The following CXADR variants were observed in gnomAD, a reference collection of about 807,000 sequenced individuals.
CXADR encodes coxsackievirus and adenovirus receptor.
In CXADR, 20 loss-of-function variants were observed where a neutral mutation model predicts 40.3. The ratio of observed to expected loss-of-function variants is 0.50; its 90% confidence interval spans 0.35 to 0.72. The LOEUF (loss-of-function observed/expected upper bound fraction) is 0.72. Ranked by LOEUF, CXADR falls within the 30% of genes least tolerant of loss-of-function variation. CXADR has a pLI of 0.01. For synonymous variants in CXADR, 150 were observed against 161.3 expected, an observed-to-expected ratio of 0.93 and a Z score of 0.53; for missense variants, 332 against 449.1, an observed-to-expected ratio of 0.74 and a Z score of 2.36.
downstream of CXADR, among the ~76,000 whole-genome samples, chr21:17,596,204 T>G (rs1481433115): frequency 6.6e-6 from 1 of 152,032 alleles, no homozygotes; most frequent in Non-Finnish European, 1.5e-5. Context: ...TTTACAGATA[T>G]ATGTAATGAG....
At chr21:17,582,344 C>G (rs945932178) in intron 7 of CXADR, among the ~76,000 whole-genome samples, 1 of 152,094 alleles carries the variant, frequency 6.6e-6, no homozygotes. Flanking sequence ...AATATTAGTT[C>G]TTTGTGATTT....
At chr21:17,604,271 T>C in the CXADR span, 1 of 304,828 alleles carries the variant, frequency 3.3e-6, no homozygotes, top group Non-Finnish European at 6.3e-6. Context: ...TGAAACCCCA[T>C]CTCTACTACA....
chr21:17,593,171 C>G (rs1165256983), exon 8 of CXADR: 3 of 1,455,048 alleles, frequency 2.1e-6, no homozygotes, highest in Non-Finnish European at 2.7e-6. Flanking sequence ...CCTTACAAGA[C>G]TGATGGAATT....
chr21:17,580,491 G>A lies in CXADR; in HGVS notation c.1018-12661G>A, dbSNP rs183217899. Among the ~76,000 whole-genome samples, 287 of 152,152 alleles carry A rather than the reference G, an allele frequency of 1.9e-3. 2 individuals are homozygous for A. The highest frequency in any genetic ancestry group is 6.8e-3 in the African/African-American group (281 of 41,526). On this transcript the variant is annotated intron_variant, in intron 7 of 7. Transcript: ENST00000400169. ...AAGTTAGCTGGGCATGGTGGCAGGCGCCAGATACTTGGGAGGCTGAAGTAG... is the reference window on the plus strand; with the variant it reads ...AAGTTAGCTGGGCATGGTGGCAGGCACCAGATACTTGGGAGGCTGAAGTAG...
chr21:17,591,757 A>C (rs1468001265), intron 7 of CXADR, among the ~76,000 whole-genome samples: 1 of 151,950 alleles, frequency 6.6e-6, no homozygotes, highest in Non-Finnish European at 1.5e-5. Flanking sequence ...TTCAAGCTGA[A>C]ATTATGTAGT....
intron 3 of CXADR, among the ~76,000 whole-genome samples, chr21:17,554,670 A>AT (rs1057375645): frequency 3.3e-5 from 5 of 152,150 alleles, no homozygotes; most frequent in African/African-American, 1.2e-4. Context: ...AACCACCAGA[A>AT]TTATATTCTC....
intron 7 of CXADR, among the ~76,000 whole-genome samples, chr21:17,580,955 T>G (rs988443902): frequency 1.4e-4 from 21 of 152,178 alleles, no homozygotes; most frequent in Admixed American, 1.2e-3. Flanking sequence ...CTCACTATGT[T>G]GTCCAGGCTG....
At chr21:17,609,161 A>G in the CXADR span, 1 of 1,600,120 alleles carries the variant, frequency 6.2e-7, no homozygotes, top group Admixed American at 1.8e-5. Flanking sequence ...CCCTGCAAAG[A>G]TAAAACATGT....
chr21:17,571,384 G>A (rs1238302758), downstream of CXADR, among the ~76,000 whole-genome samples: 1 of 152,170 alleles, frequency 6.6e-6, no homozygotes, highest in Non-Finnish European at 1.5e-5. Flanking sequence ...TCAAGGAATC[G>A]AGATTACAGT....
the CXADR span, among the ~76,000 whole-genome samples, chr21:17,634,943 T>C: frequency 6.6e-6 from 1 of 152,180 alleles, no homozygotes; most frequent in Non-Finnish European, 1.5e-5. Context: ...TACTGATCCT[T>C]GATGGTAAAG....
At chr21:17,533,317 T>G (rs1367469927) in intron 1 of CXADR, among the ~76,000 whole-genome samples, 1 of 152,204 alleles carries the variant, frequency 6.6e-6, no homozygotes, top group East Asian at 1.9e-4. Flanking sequence ...CCTAAAATGC[T>G]ACTAGAAATG....
At chr21:17,515,163 C>G (rs2060444245) in intron 1 of CXADR, among the ~76,000 whole-genome samples, 1 of 151,938 alleles carries the variant, frequency 6.6e-6, no homozygotes, top group African/African-American at 2.4e-5. Context: ...TGAGGCCAGG[C>G]ACGGTGCTTG....
the CXADR span, among the ~76,000 whole-genome samples, chr21:17,607,950 C>A: frequency 0.52 from 79,767 of 152,106 alleles, 23,425 homozygotes; most frequent in African/African-American, 0.8. Flanking sequence ...GTACCTTATA[C>A]AGCAGAGTAC....
chr21:17,565,302 CACACACACACACT>C, intron 6 of CXADR, 113 bp from the exon 7 acceptor site: 1 of 600,008 alleles, frequency 1.7e-6, no homozygotes, highest in Non-Finnish European at 2.7e-6. Flanking sequence ...CACACACACA[CACACACACACACT>C]TTTATATGTT....
At chr21:17,595,899 A>C (rs1173760971), downstream of CXADR, among the ~76,000 whole-genome samples, 2 of 152,020 alleles carry the variant, frequency 1.3e-5, no homozygotes, top group Non-Finnish European at 2.9e-5. Flanking sequence ...CATGACTAGC[A>C]AGTTTATGAA....
At chr21:17,572,727 T>C (rs1441257441), downstream of CXADR, among the ~76,000 whole-genome samples, 2 of 148,740 alleles carry the variant, frequency 1.3e-5, no homozygotes, top group Non-Finnish European at 3.0e-5. Flanking sequence ...TCCCCTGGGC[T>C]TCACAAAATT....
the CXADR span, among the ~76,000 whole-genome samples, chr21:17,630,041 G>A: frequency 1.1e-4 from 16 of 152,176 alleles, no homozygotes; most frequent in Non-Finnish European, 1.8e-4. Context: ...ATGGGCTTCC[G>A]GGTGTTGGAT....
chr21:17,514,835 G>T (rs1355475453), intron 1 of CXADR, among the ~76,000 whole-genome samples: 1 of 151,854 alleles, frequency 6.6e-6, no homozygotes, highest in Non-Finnish European at 1.5e-5. Context: ...TGTTGGTCAG[G>T]CTGGTCTCAA....
At chr21:17,544,736 G>T (rs1024883925) in intron 1 of CXADR, among the ~76,000 whole-genome samples, 5 of 152,162 alleles carry the variant, frequency 3.3e-5, no homozygotes. Context: ...TAAGGGAGCA[G>T]GTGCAGATAA....
Sources: gnomAD v4.1 joint callset for allele counts (sites outside exome capture counted in the v4.1 genomes callset) on GRCh38, gnomAD v4.1.1 for gene constraint, MANE v1.5 for transcripts, NCBI Gene and HGNC (gene_info 2026-07-23, HGNC 2026-07-21) for gene names.